The following SMC6 variants were observed in gnomAD, a reference collection of about 807,000 sequenced individuals.
SMC6 encodes structural maintenance of chromosomes 6, also known as structural maintenance of chromosomes protein 6.
In SMC6, 79 loss-of-function variants were observed where a neutral mutation model predicts 142.2. The observed-to-expected ratio is 0.56, with a 90% CI of 0.46 to 0.67. The LOEUF is 0.67. Among genes scored for constraint, SMC6 ranks in the 30% least tolerant of loss-of-function variants. SMC6 has a pLI of 0.00. For synonymous variants in SMC6, 411 were observed against 412.4 expected, an observed-to-expected ratio of 1.00 and a Z score of 0.04; for missense variants, 1,072 against 1,284.0, an observed-to-expected ratio of 0.83 and a Z score of 2.52.
chr2:17,683,908 C>T, intron 23 of SMC6, 145 bp from the exon 24 acceptor site: 3 of 731,022 alleles, frequency 4.1e-6, no homozygotes, highest in East Asian at 2.6e-5. Context: ...CATAAATTTC[C>T]AGGCAAATTA....
intron 20 of SMC6, among the ~76,000 whole-genome samples, chr2:17,701,533 A>G (rs1444407171): frequency 1.3e-5 from 2 of 152,250 alleles, no homozygotes; most frequent in African/African-American, 2.4e-5. Context: ...ACTATGCTCA[A>G]CAGCAGGGTT....
In SMC6 at chr2:17,738,251, G is replaced by C. The variant is rs1350825371; in HGVS notation, c.314C>G (p.Ser105Cys). Residue 105 changes from serine (S) to cysteine (C), a missense_variant, in exon 5 of 28, where the codon TCT (serine) becomes TGT (cysteine). This residue lies in a region of SMC6 where 994 missense variants were observed against 1,153.2 expected (regional missense o/e 0.86). Transcript: ENST00000448223. ...GRAVATNRGSSLKGFVKDGQN... is the reference protein window; with the variant it reads ...GRAVATNRGSCLKGFVKDGQN... ...TCCATCTTTCACAAAACCTTTTAAAGAGGATCCTCTATTAGTAGCAACTGC... is the reference window on the plus strand; with the variant it reads ...TCCATCTTTCACAAAACCTTTTAAACAGGATCCTCTATTAGTAGCAACTGC... 6.2e-7 allele frequency: 1 copy of C among 1,613,308 alleles called. No homozygotes were observed. Among genetic ancestry groups the C allele is most frequent in the Non-Finnish European group, 8.5e-7 (1 of 1,179,792 alleles).
chr2:17,753,620 C>T lies in SMC6; in HGVS notation c.-93+6G>A, dbSNP rs1368613814. On this transcript the variant is annotated splice_donor_region_variant and intron_variant, in intron 1 of 27. Transcript: ENST00000448223. ...GGGAAAGCGACAGCGCGCGCCTTCA[C>T]CCTACCGCCAACAAGTCGAAGTCTC... 1.3e-5 allele frequency: 2 copies of T among 152,280 alleles called. No individual in the cohort carries two copies. Among genetic ancestry groups the T allele is most frequent in the Non-Finnish European group, 2.9e-5 (2 of 68,078 alleles). The allele number at this position is 152,280 out of a possible 1,614,324, so 9.4% of individuals were successfully genotyped here. A position where few individuals can be genotyped will look rare whatever the true frequency, so the allele number is the denominator to read the frequency against.
intron 9 of SMC6, among the ~76,000 whole-genome samples, chr2:17,721,925 A>G (rs985303229): frequency 6.6e-6 from 1 of 152,134 alleles, no homozygotes; most frequent in Non-Finnish European, 1.5e-5. Context: ...TTCACGTTTA[A>G]TAATTAATTA....
intron 7 of SMC6, among the ~76,000 whole-genome samples, chr2:17,729,453 T>C (rs1303020738): frequency 6.6e-6 from 1 of 151,808 alleles, no homozygotes; most frequent in Non-Finnish European, 1.5e-5. Context: ...TTCCTCATAA[T>C]GAAAACTTTC....
In SMC6 at chr2:17,738,245, T is replaced by C; in HGVS notation, c.320A>G (p.Lys107Arg). 1 of 1,613,222 alleles carries C rather than the reference T, an allele frequency of 6.2e-7. No individual in the cohort carries two copies. The highest frequency in any genetic ancestry group is 8.5e-7 in the Non-Finnish European group (1 of 1,179,662). Residue 107 changes from lysine to arginine, a missense_variant, in exon 5 of 28, where the codon AAA becomes AGA. Lys to Arg is a conservative substitution (Grantham distance 26). Transcript: ENST00000448223. ...AVATNRGSSL[K>R]GFVKDGQNSA... ...CTTCTGTCCATCTTTCACAAAACCT[T>C]TTAAAGAGGATCCTCTATTAGTAGC... is the stretch of plus-strand genomic sequence containing the variant.
intron 4 of SMC6, among the ~76,000 whole-genome samples, chr2:17,740,575 C>T (rs762119154): frequency 2.0e-5 from 3 of 152,124 alleles, no homozygotes; most frequent in Non-Finnish European, 2.9e-5. Flanking sequence ...TAATTGTGGC[C>T]GGGCGCAGTG....
chr2:17,746,214 AG>A (rs1447417269), intron 2 of SMC6: 1 of 306,052 alleles, frequency 3.3e-6, no homozygotes, highest in Non-Finnish European at 5.9e-6. Context: ...ATTTTAGCCC[AG>A]TGAGATCTGT....
At chr2:17,673,544 T>C (rs1666861765) in intron 25 of SMC6, among the ~76,000 whole-genome samples, 1 of 151,750 alleles carries the variant, frequency 6.6e-6, no homozygotes, top group South Asian at 2.1e-4. Flanking sequence ...TTGCTTACTG[T>C]TTATTATTTA....
intron 4 of SMC6, among the ~76,000 whole-genome samples, chr2:17,739,302 G>C (rs1328451133): frequency 2.0e-5 from 3 of 151,546 alleles, no homozygotes; most frequent in Non-Finnish European, 2.9e-5. Flanking sequence ...TGAGACCAGA[G>C]AGACCAGCCT....
chr2:17,692,455 G>A (rs6717034), intron 23 of SMC6, among the ~76,000 whole-genome samples: 78,224 of 152,012 alleles, frequency 0.51, 22,857 homozygotes, highest in African/African-American at 0.79. Context: ...AGAAATGGGC[G>A]AAGGATTCCC....
chr2:17,693,230 T>A (rs1667814970), intron 23 of SMC6, among the ~76,000 whole-genome samples: 1 of 152,174 alleles, frequency 6.6e-6, no homozygotes, highest in Non-Finnish European at 1.5e-5. Context: ...TAAAACATGC[T>A]GCTATAAAGA....
At chr2:17,741,536 A>T in intron 4 of SMC6, 76 bp downstream of exon 4, 1 of 822,496 alleles carries the variant, frequency 1.2e-6, no homozygotes, top group Non-Finnish European at 2.0e-6. Flanking sequence ...ACTAATAGTC[A>T]CCTATTTCAA....
intron 16 of SMC6, among the ~76,000 whole-genome samples, chr2:17,711,383 CACAA>C (rs1304127094): frequency 1.3e-5 from 2 of 152,116 alleles, no homozygotes; most frequent in African/African-American, 4.8e-5. Context: ...GACACAGGTT[CACAA>C]ACAATGTTAA....
chr2:17,737,973 G>GT (rs1670239036), intron 5 of SMC6, among the ~76,000 whole-genome samples: 1 of 152,154 alleles, frequency 6.6e-6, no homozygotes, highest in Non-Finnish European at 1.5e-5. Flanking sequence ...CTTTCAGCAA[G>GT]TAACAGAAGC....
At chr2:17,675,772 C>A (rs1666971289) in intron 25 of SMC6, among the ~76,000 whole-genome samples, 1 of 152,202 alleles carries the variant, frequency 6.6e-6, no homozygotes, top group Non-Finnish European at 1.5e-5. Context: ...TTGCTACTTA[C>A]AAAAAGGTAA....
chr2:17,733,293 C>A (rs918263278), intron 5 of SMC6, among the ~76,000 whole-genome samples: 8 of 152,216 alleles, frequency 5.3e-5, no homozygotes, highest in African/African-American at 1.7e-4. Context: ...TACAAGTGCC[C>A]TAGCAGAAAG....
chr2:17,669,712 T>C (rs544650194), intron 26 of SMC6, among the ~76,000 whole-genome samples: 1 of 152,296 alleles, frequency 6.6e-6, no homozygotes, highest in South Asian at 2.1e-4. Context: ...AGTAGTGTCA[T>C]CTACATCCAG....
intron 8 of SMC6, among the ~76,000 whole-genome samples, chr2:17,726,087 T>TAAAAAAAAAAAAAAAAAAAAAA (rs35471536): frequency 3.6e-5 from 2 of 54,966 alleles, no homozygotes; most frequent in Admixed American, 2.8e-4. Flanking sequence ...GGCTCTGTCT[T>TAAAAAAAAAAAAAAAAAAAAAA]AAAAAAAAAA....
Sources: allele counts gnomAD v4.1 joint callset (sites outside exome capture counted in the v4.1 genomes callset), GRCh38; gene constraint gnomAD v4.1.1; regional missense constraint gnomAD v4.1.1; transcripts MANE v1.5; gene names NCBI Gene and HGNC (gene_info 2026-07-23, HGNC 2026-07-21).